AMTN: variants seen among roughly 807,000 people sequenced by gnomAD.
AMTN encodes RSTI689.
A neutral mutation model predicts 27.4 loss-of-function variants in AMTN; 29 were observed. The observed-to-expected ratio is 1.06, with a 90% CI of 0.79 to 1.44. The LOEUF (loss-of-function observed/expected upper bound fraction) is 1.44, where lower values mean the gene tolerates loss of function less well. Among genes scored for constraint, AMTN ranks in the 40% most tolerant of loss-of-function variants. AMTN has a pLI of 0.00. For missense variants in AMTN, 247 were observed against 248.8 expected, an observed-to-expected ratio of 0.99 and a Z score of 0.05; for synonymous variants, 86 against 95.7, an observed-to-expected ratio of 0.90 and a Z score of 0.59.
intron 3 of AMTN, 150 bp downstream of exon 3, chr4:70,522,988 C>A: frequency 1.6e-6 from 1 of 638,582 alleles, no homozygotes. Flanking sequence ...AGAGGCTTTT[C>A]GTTTGGGAGT....
At chr4:70,521,510 T>C (rs1462389710) in intron 2 of AMTN, among the ~76,000 whole-genome samples, 3 of 149,108 alleles carry the variant, frequency 2.0e-5, no homozygotes, top group Non-Finnish European at 4.4e-5. Context: ...ATACTAACAA[T>C]AGATTGTGGG....
chr4:70,532,446 T>G lies in AMTN; in HGVS notation c.620-9T>G, dbSNP rs1437707757. ...ACCTACATTTAAAAGGTGTTTTATT[T>G]TCTTCCAGGAATTCAGTAAGCTGTT... On this transcript the variant is annotated splice_polypyrimidine_tract_variant and intron_variant, in intron 8 of 8. Transcript: ENST00000339336. The G allele has an allele frequency of 6.2e-7, 1 of 1,601,642 alleles. No homozygotes were observed. Among genetic ancestry groups the G allele is most frequent in the African/African-American group, 1.3e-5 (1 of 74,496 alleles).
At chr4:70,521,134 C>T (rs1171958280) in intron 2 of AMTN, among the ~76,000 whole-genome samples, 3 of 152,140 alleles carry the variant, frequency 2.0e-5, no homozygotes, top group African/African-American at 7.2e-5. Flanking sequence ...AATCCCAACA[C>T]TTTGGGGGCC....
intron 2 of AMTN, among the ~76,000 whole-genome samples, chr4:70,519,933 T>TG: frequency 8.0e-6 from 1 of 124,880 alleles, no homozygotes; most frequent in Non-Finnish European, 1.7e-5. Context: ...TGTGTGTGTG[T>TG]CTGTGTGTGT....
At chr4:70,527,468 G>A (rs748634295) in intron 5 of AMTN, among the ~76,000 whole-genome samples, 40 of 152,110 alleles carry the variant, frequency 2.6e-4, no homozygotes, top group Non-Finnish European at 5.4e-4. Context: ...ATTGCCACGT[G>A]AAGGCTAGTT....
intron 2 of AMTN, among the ~76,000 whole-genome samples, chr4:70,521,387 A>G (rs1735962597): frequency 7.1e-6 from 1 of 140,590 alleles, no homozygotes; most frequent in Admixed American, 7.7e-5. Context: ...TTAAAAAAAA[A>G]AAAAAAAGAA....
At chr4:70,531,556 G>A (rs867432423) in intron 8 of AMTN, among the ~76,000 whole-genome samples, 10 of 152,136 alleles carry the variant, frequency 6.6e-5, no homozygotes, top group African/African-American at 1.9e-4. Context: ...TCTGTTGCCC[G>A]GGCTGGAGTG....
At chr4:70,531,484 G>A (rs901751814) in intron 8 of AMTN, among the ~76,000 whole-genome samples, 184 bp downstream of exon 8, 19 of 152,088 alleles carry the variant, frequency 1.2e-4, no homozygotes, top group African/African-American at 2.9e-4. Flanking sequence ...CAACCCCCAG[G>A]TATTAACACT....
chr4:70,526,621 A>C (rs1278341654), intron 5 of AMTN, among the ~76,000 whole-genome samples: 1 of 152,228 alleles, frequency 6.6e-6, no homozygotes, highest in Non-Finnish European at 1.5e-5. Flanking sequence ...ACAGGTGATC[A>C]TACTATAATC....
intron 3 of AMTN, 28 bp from the exon 4 acceptor site, chr4:70,523,840 C>T: frequency 6.3e-7 from 1 of 1,599,556 alleles, no homozygotes; most frequent in Non-Finnish European, 8.6e-7. Flanking sequence ...AACCTCTTGT[C>T]TCATACATCA....
Position 70,522,738 on chromosome 4 carries a change from ATT to A in AMTN, c.55-15_55-14del. 1.2e-6 allele frequency: 2 copies of A among 1,613,300 alleles called. No individual in the cohort carries two copies. Among genetic ancestry groups the A allele is most frequent in the Non-Finnish European group, 1.7e-6 (2 of 1,179,272 alleles). ...CACATTCCTGCCTCATCAAATATGT[ATT>A]TGTTTTCACAAAAGCAGCTCAAACC... On this transcript the variant is annotated splice_polypyrimidine_tract_variant and intron_variant, in intron 2 of 8. Transcript: ENST00000339336.
chr4:70,527,159 CAGCTG>C (rs1482265374), intron 5 of AMTN, among the ~76,000 whole-genome samples: 8 of 152,228 alleles, frequency 5.3e-5, no homozygotes, highest in Non-Finnish European at 1.2e-4. Context: ...CCTTCCTCTA[CAGCTG>C]TTGCAAAGAT....
intron 5 of AMTN, among the ~76,000 whole-genome samples, chr4:70,526,456 T>C (rs949047279): frequency 2.0e-5 from 3 of 152,190 alleles, no homozygotes. Flanking sequence ...TGACTAAGTC[T>C]ATGATATTCC....
intron 8 of AMTN, 129 bp from the exon 9 acceptor site, chr4:70,532,326 C>G: frequency 1.5e-6 from 1 of 689,152 alleles, no homozygotes; most frequent in Non-Finnish European, 2.4e-6. Context: ...AACCAAATAT[C>G]CTTAGAGATA....
At chr4:70,521,196 T>C (rs2109768952) in intron 2 of AMTN, among the ~76,000 whole-genome samples, 1 of 152,116 alleles carries the variant, frequency 6.6e-6, no homozygotes, top group African/African-American at 2.4e-5. Flanking sequence ...CTGACCAATA[T>C]GGTGAAACAC....
At chr4:70,525,001 G>A (rs889471862) in intron 5 of AMTN, 40 bp downstream of exon 5, 3 of 1,572,936 alleles carry the variant, frequency 1.9e-6, no homozygotes, top group South Asian at 1.1e-5. Context: ...ACATTAGAGA[G>A]CATTTTCTCT....
At chr4:70,531,653 A>T (rs1736227463) in intron 8 of AMTN, among the ~76,000 whole-genome samples, 1 of 152,128 alleles carries the variant, frequency 6.6e-6, no homozygotes, top group South Asian at 2.1e-4. Context: ...CTAGGATTAC[A>T]GGCGCACATC....
intron 2 of AMTN, 72 bp downstream of exon 2, chr4:70,518,903 C>T (rs551191609): frequency 1.6e-6 from 2 of 1,232,578 alleles, no homozygotes; most frequent in East Asian, 2.3e-5. Flanking sequence ...CTACCTCTCT[C>T]CTGCCCTCCA....
At position 70,522,792 on chromosome 4, in the gene AMTN, T is replaced by C. The variant is rs1736009430; in HGVS notation, c.92T>C (p.Leu31Pro). 2 of 1,613,816 alleles carry C rather than the reference T, an allele frequency of 1.2e-6. No homozygotes were observed. Among genetic ancestry groups the C allele is most frequent in the South Asian group, 2.2e-5 (2 of 91,030 alleles). ...GCTTTGGGACTCCCTCCCACAAAAC[T>C]GGCTCCGGATCAGGGAACACTACCA... ...KPALGLPPTK[L>P]APDQGTLPNQ... Residue 31 changes from leucine (L) to proline (P), a missense_variant, in exon 3 of 9, where the codon CTG becomes CCG. Leu to Pro is a moderately conservative substitution (Grantham distance 98). Transcript: ENST00000339336.
Sources: gnomAD v4.1 joint callset for allele counts (sites outside exome capture counted in the v4.1 genomes callset) on GRCh38, gnomAD v4.1.1 for gene constraint, MANE v1.5 for transcripts, NCBI Gene and HGNC (gene_info 2026-07-23, HGNC 2026-07-21) for gene names.